Variants in SIGLECL1 observed in about 807,000 individuals in gnomAD.
SIGLECL1 encodes the protein SIGLEC family like 1.
SIGLECL1 carries 16 observed loss-of-function variants against 19.1 expected under a neutral mutation model. The observed-to-expected ratio is 0.84, with a 90% CI of 0.57 to 1.27. SIGLECL1 has a LOEUF of 1.27. SIGLECL1 is among the 50% of genes most tolerant of loss of function. The probability of loss-of-function intolerance (pLI) is 0.00; values close to 1 mark genes in which losing one functional copy is unlikely to be tolerated. For synonymous variants in SIGLECL1, 89 were observed against 90.4 expected (o/e 0.98, Z 0.09); for missense variants, 210 against 239.4 (o/e 0.88, Z 0.81).
At chr19:51,265,342 T>A (rs1438692244) in intron 2 of SIGLECL1, 26 bp from the exon 3 acceptor site, 3 of 1,574,212 alleles carry the variant, frequency 1.9e-6, no homozygotes, top group Non-Finnish European at 2.6e-6. Flanking sequence ...GATGCCTTGC[T>A]GACTCCTGAC....
chr19:51,253,447 T>C (rs1241900790), intron 1 of SIGLECL1, among the ~76,000 whole-genome samples: 2 of 152,240 alleles, frequency 1.3e-5, no homozygotes, highest in Admixed American at 6.5e-5. Flanking sequence ...TTATTAAATG[T>C]TATCCCATTT....
rs1464828769 is a variant in SIGLECL1, at chr19:51,265,452, C to T, written c.107C>T (p.Ser36Phe). The change falls in exon 3 of 6, where the codon TCT (serine) becomes TTT (phenylalanine). Residue 36 changes from serine (S) to phenylalanine (F), a missense_variant. Transcript: ENST00000601727. ...TCCTTCCATGGGATTCCCACACCCT[C>T]TGTGCAGTGGTGGATGGGAGGAGTC... Reference protein sequence around the residue: ...SCSFHGIPTPSVQWWMGGVPV... With the variant: ...SCSFHGIPTPFVQWWMGGVPV... 1 of 1,614,068 alleles carries T rather than the reference C, an allele frequency of 6.2e-7. No individual in the cohort carries two copies. Among genetic ancestry groups the T allele is most frequent in the Non-Finnish European group, 8.5e-7 (1 of 1,180,058 alleles).
chr19:51,260,096 A>G (rs889122323), intron 1 of SIGLECL1, among the ~76,000 whole-genome samples: 6 of 152,196 alleles, frequency 3.9e-5, no homozygotes, highest in African/African-American at 1.2e-4. Context: ...CTGTACTATT[A>G]AAAGGATGCC....
chr19:51,264,337 G>T (rs1337102594), intron 2 of SIGLECL1: 8 of 467,470 alleles, frequency 1.7e-5, no homozygotes, highest in Non-Finnish European at 2.7e-5. Flanking sequence ...TGCTATGAAG[G>T]CATGAGAGCA....
chr19:51,255,879 A>G (rs372652254), intron 1 of SIGLECL1: 3 of 152,196 alleles, frequency 2.0e-5, no homozygotes, highest in Non-Finnish European at 2.9e-5. Flanking sequence ...AGTATAGAGT[A>G]TCCTTTAAAA....
chr19:51,249,477 C>G (rs1452720934), upstream of SIGLECL1, among the ~76,000 whole-genome samples: 3 of 150,788 alleles, frequency 2.0e-5, no homozygotes, highest in Non-Finnish European at 4.4e-5. Flanking sequence ...AAAAAAAAAT[C>G]TGCACATAAA....
In SIGLECL1 at chr19:51,251,445, T is replaced by C. The variant is rs1455824441; in HGVS notation, c.-291T>C. 2 of 153,010 alleles carry C rather than the reference T, an allele frequency of 1.3e-5. No individual in the cohort carries two copies. Among genetic ancestry groups the C allele is most frequent in the African/African-American group, 4.8e-5 (2 of 41,430 alleles). 9.5% of individuals were successfully genotyped at this position (153,010 alleles called of 1,614,324 possible). On this transcript the variant is annotated 5_prime_UTR_variant, in exon 1 of 6. Coordinates refer to ENST00000601727, the MANE Select transcript of SIGLECL1 (RefSeq NM_001385465.1). ...AACAGTCAGGCGGTGAGATTAAGCATAGTCAGGGAGTTCGCCAGGAGCCAG... is the reference window on the plus strand; with the variant it reads ...AACAGTCAGGCGGTGAGATTAAGCACAGTCAGGGAGTTCGCCAGGAGCCAG...
intron 2 of SIGLECL1, 74 bp downstream of exon 2, chr19:51,264,168 A>G: frequency 1.9e-6 from 3 of 1,578,190 alleles, no homozygotes; most frequent in Non-Finnish European, 2.6e-6. Flanking sequence ...TTGGCAGGGC[A>G]GAGGATGGGC....
chr19:51,254,058 C>T (rs1288028217), intron 1 of SIGLECL1, among the ~76,000 whole-genome samples: 1 of 152,150 alleles, frequency 6.6e-6, no homozygotes, highest in African/African-American at 2.4e-5. Context: ...GTGGCTCATG[C>T]CTGTAATCCT....
intron 1 of SIGLECL1, 125 bp downstream of exon 1, chr19:51,251,670 T>C (rs1472888958): frequency 6.6e-6 from 1 of 152,340 alleles, no homozygotes; most frequent in African/African-American, 2.4e-5. Context: ...CATTGGTTAG[T>C]TAGGCTCCCG....
chr19:51,247,061 T>C (rs1445057688), upstream of SIGLECL1, among the ~76,000 whole-genome samples: 1 of 152,226 alleles, frequency 6.6e-6, no homozygotes, highest in African/African-American at 2.4e-5. Context: ...TTTCCAGATC[T>C]TCTCCCTGTG....
chr19:51,258,572 G>A (rs1282186737), intron 1 of SIGLECL1, among the ~76,000 whole-genome samples: 2 of 152,192 alleles, frequency 1.3e-5, no homozygotes, highest in Non-Finnish European at 2.9e-5. Flanking sequence ...AATGAAAGTG[G>A]CTGAGGCGGA....
At chr19:51,252,108 C>A (rs545557880) in intron 1 of SIGLECL1, among the ~76,000 whole-genome samples, 1 of 152,068 alleles carries the variant, frequency 6.6e-6, no homozygotes, top group Non-Finnish European at 1.5e-5. Flanking sequence ...ACCAGCCTGG[C>A]CAACATGGTG....
rs373790110 is a variant in SIGLECL1, at chr19:51,268,586, C to A, written c.583C>A (p.Arg195=). Residue 195 remains arginine (R), a synonymous_variant, in exon 6 of 6, where the codon CGA becomes AGA. Transcript: ENST00000601727. The stretch of plus-strand genomic sequence containing the variant: ...TCGCTTTCAGGAAAAGCAAGATAAA[C>A]GAGCCAGCTAAGCCTGTGGAACATG... ...ESRILEKQDK[R]AS is the part of the protein sequence containing the mutation. The A allele has an allele frequency of 6.2e-7, 1 of 1,613,962 alleles. No individual in the cohort carries two copies. Among genetic ancestry groups the A allele is most frequent in the Admixed American group, 1.7e-5 (1 of 60,004 alleles).
chr19:51,247,870 G>C (rs1347922639), upstream of SIGLECL1, among the ~76,000 whole-genome samples: 2 of 152,202 alleles, frequency 1.3e-5, no homozygotes. Context: ...AACGGGTCCT[G>C]TTAAGAATTC....
At chr19:51,254,365 C>G (rs1477831372) in intron 1 of SIGLECL1, among the ~76,000 whole-genome samples, 2 of 151,196 alleles carry the variant, frequency 1.3e-5, no homozygotes, top group Non-Finnish European at 2.9e-5. Flanking sequence ...TTCACAGTAT[C>G]CAAATAGTAG....
intron 1 of SIGLECL1, among the ~76,000 whole-genome samples, chr19:51,261,497 C>T (rs1983219268): frequency 6.6e-6 from 1 of 152,018 alleles, no homozygotes; most frequent in Admixed American, 6.6e-5. Flanking sequence ...ACCGTGTTAG[C>T]CAGGATGGTC....
At chr19:51,264,764 G>A (rs1161566953) in intron 2 of SIGLECL1, among the ~76,000 whole-genome samples, 1 of 152,154 alleles carries the variant, frequency 6.6e-6, no homozygotes, top group African/African-American at 2.4e-5. Context: ...TAGTACATTT[G>A]GCTTCCAGTG....
At chr19:51,261,925 A>C (rs1983260363) in intron 1 of SIGLECL1, among the ~76,000 whole-genome samples, 1 of 152,168 alleles carries the variant, frequency 6.6e-6, no homozygotes, top group Non-Finnish European at 1.5e-5. Flanking sequence ...ATTATCACAA[A>C]GGGAGCAGAC....
Sources: gnomAD v4.1 joint callset for allele counts (sites outside exome capture counted in the v4.1 genomes callset) on GRCh38, gnomAD v4.1.1 for gene constraint, MANE v1.5 for transcripts, NCBI Gene and HGNC (gene_info 2026-07-23, HGNC 2026-07-21) for gene names.